The following SH3BGRL2 variants were observed in gnomAD, a reference collection of about 807,000 sequenced individuals.
The protein encoded by SH3BGRL2 is SH3 domain binding glutamate rich protein like 2, also known as SH3 domain-binding glutamic acid-rich-like protein 2.
SH3BGRL2 carries 21 observed loss-of-function variants against 14.8 expected under a neutral mutation model. The observed-to-expected ratio is 1.42, with a 90% CI of 1.01 to 2.05. The LOEUF (loss-of-function observed/expected upper bound fraction) is 2.05, where lower values mean the gene tolerates loss of function less well. Among genes scored for constraint, SH3BGRL2 ranks in the 30% most tolerant of loss-of-function variants. SH3BGRL2 has a pLI of 0.00. For missense variants in SH3BGRL2, 147 were observed against 130.8 expected, an observed-to-expected ratio of 1.12 and a Z score of -0.61; for synonymous variants, 50 against 47.8, an observed-to-expected ratio of 1.05 and a Z score of -0.19.
At chr6:79,684,112 G>T (rs1770046981) in intron 2 of SH3BGRL2, among the ~76,000 whole-genome samples, 1 of 152,100 alleles carries the variant, frequency 6.6e-6, no homozygotes, top group South Asian at 2.1e-4. Flanking sequence ...TTTATTTAGG[G>T]CTAATGGCTA....
intron 2 of SH3BGRL2, among the ~76,000 whole-genome samples, chr6:79,685,828 C>T (rs1295302223): frequency 3.3e-5 from 5 of 152,086 alleles, no homozygotes; most frequent in Non-Finnish European, 1.5e-5. Flanking sequence ...CCAAGGGAAC[C>T]TCTTAATACA....
chr6:79,574,922 T>C, the SH3BGRL2 span: 1 of 152,292 alleles, frequency 6.6e-6, no homozygotes, highest in Middle Eastern at 3.4e-3. Flanking sequence ...GGTGGCTAAC[T>C]TGGATTTTTT....
At chr6:79,583,897 ATAT>A in the SH3BGRL2 span, among the ~76,000 whole-genome samples, 1 of 152,178 alleles carries the variant, frequency 6.6e-6, no homozygotes, top group African/African-American at 2.4e-5. Flanking sequence ...CATTCTGCAA[ATAT>A]TATGATGTGG....
the SH3BGRL2 span, among the ~76,000 whole-genome samples, chr6:79,562,377 TC>T: frequency 6.6e-6 from 1 of 152,190 alleles, no homozygotes; most frequent in African/African-American, 2.4e-5. Context: ...GCTCTTTAGA[TC>T]CACTTAAATA....
At chr6:79,538,485 T>C in the SH3BGRL2 span, among the ~76,000 whole-genome samples, 1 of 152,212 alleles carries the variant, frequency 6.6e-6, no homozygotes, top group Admixed American at 6.5e-5. Context: ...GTATGCGAAA[T>C]ACATCTGTAC....
intron 1 of SH3BGRL2, among the ~76,000 whole-genome samples, chr6:79,659,571 T>A (rs1769498167): frequency 6.6e-6 from 1 of 152,222 alleles, no homozygotes; most frequent in South Asian, 2.1e-4. Flanking sequence ...TCAGGTAGCG[T>A]GATGCCTCCA....
the SH3BGRL2 span, among the ~76,000 whole-genome samples, chr6:79,601,773 A>G: frequency 6.6e-6 from 1 of 152,224 alleles, no homozygotes; most frequent in Non-Finnish European, 1.5e-5. Context: ...CATAATATAC[A>G]TCATTCTCTC....
intron 2 of SH3BGRL2, among the ~76,000 whole-genome samples, chr6:79,678,246 A>G (rs1769923611): frequency 6.6e-6 from 1 of 152,166 alleles, no homozygotes; most frequent in African/African-American, 2.4e-5. Context: ...GATCCCTAGA[A>G]CTTTTTCATC....
intron 1 of SH3BGRL2, among the ~76,000 whole-genome samples, chr6:79,646,172 TA>T (rs986275980): frequency 7.9e-5 from 12 of 152,170 alleles, no homozygotes; most frequent in African/African-American, 2.4e-4. Flanking sequence ...AAATGTCCCC[TA>T]GGGGGCAAAA....
At chr6:79,633,086 A>G (rs1192977511) in intron 1 of SH3BGRL2, among the ~76,000 whole-genome samples, 1 of 152,178 alleles carries the variant, frequency 6.6e-6, no homozygotes, top group Non-Finnish European at 1.5e-5. Context: ...GGTACTCCAC[A>G]TCTTTGTTTT....
chr6:79,594,313 C>G, the SH3BGRL2 span, among the ~76,000 whole-genome samples: 4 of 152,226 alleles, frequency 2.6e-5, no homozygotes, highest in Admixed American at 6.5e-5. Context: ...GCTATATGAG[C>G]AGGAGTTTTA....
chr6:79,547,310 A>G, the SH3BGRL2 span, among the ~76,000 whole-genome samples: 1 of 152,108 alleles, frequency 6.6e-6, no homozygotes, highest in East Asian at 1.9e-4. Flanking sequence ...TGGGTAGTAA[A>G]GAGCACAACC....
intron 1 of SH3BGRL2, among the ~76,000 whole-genome samples, chr6:79,660,092 T>C (rs773808364): frequency 2.0e-5 from 3 of 152,158 alleles, no homozygotes; most frequent in African/African-American, 7.2e-5. Context: ...CAAACAGGGA[T>C]AATTTGACTT....
the SH3BGRL2 span, among the ~76,000 whole-genome samples, chr6:79,620,977 G>T: frequency 2.0e-5 from 3 of 152,026 alleles, no homozygotes; most frequent in Non-Finnish European, 2.9e-5. Flanking sequence ...TGGCCAGGCT[G>T]GTCTTAAACT....
the SH3BGRL2 span, among the ~76,000 whole-genome samples, chr6:79,619,567 T>C: frequency 1.3e-5 from 2 of 152,344 alleles, no homozygotes; most frequent in East Asian, 1.9e-4. Flanking sequence ...GCTTTCCAGA[T>C]GGGCAGAGGC....
intron 2 of SH3BGRL2, among the ~76,000 whole-genome samples, chr6:79,674,748 C>G (rs1460902802): frequency 6.6e-6 from 1 of 152,006 alleles, no homozygotes; most frequent in Admixed American, 6.6e-5. Context: ...ACAGAGAATT[C>G]TTACCTGTAG....
the SH3BGRL2 span, among the ~76,000 whole-genome samples, chr6:79,565,596 A>G: frequency 6.4e-3 from 974 of 152,306 alleles, 9 homozygotes; most frequent in African/African-American, 0.022. Flanking sequence ...TTAGGCAGAA[A>G]GGTAATTCCT....
chr6:79,594,185 A>G, the SH3BGRL2 span, among the ~76,000 whole-genome samples: 1 of 152,324 alleles, frequency 6.6e-6, no homozygotes, highest in South Asian at 2.1e-4. Flanking sequence ...AAAATACAGA[A>G]TTTAGTAAAG....
chr6:79,558,165 G>A, the SH3BGRL2 span, among the ~76,000 whole-genome samples: 4 of 152,214 alleles, frequency 2.6e-5, no homozygotes, highest in African/African-American at 9.6e-5. Flanking sequence ...CATGGGGAAT[G>A]AATAACAGAT....
Sources: gnomAD v4.1 joint callset for allele counts (sites outside exome capture counted in the v4.1 genomes callset) on GRCh38, gnomAD v4.1.1 for gene constraint, MANE v1.5 for transcripts, NCBI Gene and HGNC (gene_info 2026-07-23, HGNC 2026-07-21) for gene names.